The following MACC1 variants were observed in gnomAD, a reference collection of about 807,000 sequenced individuals.
MACC1 encodes the protein metastasis-associated in colon cancer protein 1.
Under a neutral mutation model 70.7 loss-of-function variants are expected in MACC1, and 79 were observed. The observed-to-expected ratio is 1.12, with a 90% CI of 0.93 to 1.35. MACC1 has a LOEUF of 1.35. MACC1 is among the 40% of genes most tolerant of loss of function. The pLI is 0.00. For missense variants in MACC1, 1,106 were observed against 978.1 expected (o/e 1.13, Z -1.74); for synonymous variants, 361 against 347.2 (o/e 1.04, Z -0.44).
chr7:20,169,326 T>G (rs1216156112), intron 2 of MACC1, among the ~76,000 whole-genome samples: 1 of 152,238 alleles, frequency 6.6e-6, no homozygotes, highest in Non-Finnish European at 1.5e-5. Context: ...TATGACTTTG[T>G]GTAGTTATGG....
chr7:20,206,683 C>T (rs1161850114), intron 1 of MACC1, among the ~76,000 whole-genome samples: 5 of 152,196 alleles, frequency 3.3e-5, no homozygotes, highest in Non-Finnish European at 7.4e-5. Flanking sequence ...CATTTGGCCT[C>T]CTGACTCCAA....
At chr7:20,178,065 C>T (rs1394632340) in intron 1 of MACC1, among the ~76,000 whole-genome samples, 2 of 151,968 alleles carry the variant, frequency 1.3e-5, no homozygotes, top group East Asian at 3.8e-4. Context: ...GTTCCCAATT[C>T]CAGGTTTTTA....
chr7:20,161,677 C>T (rs1272405441), intron 4 of MACC1, 71 bp downstream of exon 4: 3 of 896,396 alleles, frequency 3.3e-6, no homozygotes, highest in South Asian at 1.6e-5. Flanking sequence ...AGAGGTAGAC[C>T]TTCAACAATT....
chr7:20,170,759 A>C lies in MACC1; in HGVS notation c.-198T>G, dbSNP rs1400178431. ...TCAAACACTGATGTGAATCATTTGC[A>C]TATCATCTGACAAGGCTACCTACTT... On this transcript the variant is annotated 5_prime_UTR_variant, in exon 2 of 7. It removes an upstream start codon present in the reference 5' UTR. Coordinates refer to ENST00000400331, the MANE Select transcript of MACC1 (RefSeq NM_182762.4). 3 of 152,200 alleles carry C rather than the reference A, an allele frequency of 2.0e-5. No individual in the cohort carries two copies. Among genetic ancestry groups the C allele is most frequent in the African/African-American group, 7.2e-5 (3 of 41,456 alleles). 9.4% of individuals were successfully genotyped at this position (152,200 alleles called of 1,614,324 possible). A position where few individuals can be genotyped will look rare whatever the true frequency, so the allele number is the denominator to read the frequency against.
chr7:20,171,456 G>A (rs528990637), intron 1 of MACC1, among the ~76,000 whole-genome samples: 4 of 151,202 alleles, frequency 2.6e-5, no homozygotes, highest in South Asian at 2.1e-4. Flanking sequence ...GAATTTCACC[G>A]TGTTAGCCAG....
chr7:20,154,168 T>C, intron 6 of MACC1, 25 bp downstream of exon 6: 6 of 1,612,214 alleles, frequency 3.7e-6, no homozygotes, highest in Non-Finnish European at 5.1e-6. Flanking sequence ...TTTTCACTAT[T>C]GAATTACACA....
At chr7:20,206,225 C>G (rs928416624) in intron 1 of MACC1, among the ~76,000 whole-genome samples, 3 of 151,880 alleles carry the variant, frequency 2.0e-5, no homozygotes, top group Admixed American at 2.0e-4. Context: ...TCTTCCTTCC[C>G]TAAGTCATTC....
At chr7:20,167,991 A>C (rs1782245621) in intron 2 of MACC1, among the ~76,000 whole-genome samples, 1 of 152,208 alleles carries the variant, frequency 6.6e-6, no homozygotes, top group South Asian at 2.1e-4. Context: ...AAATGACTAA[A>C]ATTACAAGGG....
chr7:20,160,911 A>G (rs1373559279), intron 4 of MACC1, among the ~76,000 whole-genome samples: 2 of 152,100 alleles, frequency 1.3e-5, no homozygotes, highest in South Asian at 2.1e-4. Context: ...TTAGACCACC[A>G]TTGGTTTTAT....
At chr7:20,160,576 G>C (rs544192181) in intron 4 of MACC1, among the ~76,000 whole-genome samples, 95 of 152,096 alleles carry the variant, frequency 6.2e-4, no homozygotes, top group African/African-American at 2.3e-3. Context: ...ACTAGCATGT[G>C]CTTATGCTTT....
chr7:20,194,037 G>T (rs1782712423), intron 1 of MACC1, among the ~76,000 whole-genome samples: 3 of 152,156 alleles, frequency 2.0e-5, no homozygotes, highest in African/African-American at 7.2e-5. Flanking sequence ...CTGATCTGCG[G>T]TGACTCCTCA....
At position 20,162,010 on chromosome 7, in the gene MACC1, G is replaced by T. The variant is rs190606416; in HGVS notation, c.-8-140C>A. ...TATATAAATCTTCTACTCCTGGTAG[G>T]ATACTCGACTAGATATACTAAAATA... On this transcript the variant is annotated intron_variant, in intron 3 of 6. Transcript: ENST00000400331. 7.3e-6 allele frequency: 4 copies of T among 551,050 alleles called. No individual in the cohort carries two copies. The Admixed American group carries it at 1.2e-4, about 17-fold the overall frequency. The allele number at this position is 551,050 out of a possible 1,614,324, so 34.1% of individuals were successfully genotyped here.
rs1781729003 is a variant in MACC1 at position 20,137,099 on chromosome 7, C to T, written c.*3847G>A. On this transcript the variant is annotated 3_prime_UTR_variant, in exon 7 of 7. Coordinates refer to ENST00000400331, the MANE Select transcript of MACC1 (RefSeq NM_182762.4). ...ATTCTCTTTTTCTTTTATATTACCT[C>T]AAAAATTCCTTAGATATAAACAATT... is the stretch of plus-strand genomic sequence containing the variant. 6.6e-6 allele frequency: 1 copy of T among 151,840 alleles called. No homozygotes were observed. Among genetic ancestry groups the T allele is most frequent in the African/African-American group, 2.4e-5 (1 of 41,360 alleles). The allele number at this position is 151,840 out of a possible 1,614,324, so 9.4% of individuals were successfully genotyped here.
rs118081088 is a variant in MACC1, at chr7:20,192,235, G to A, written c.-217-21457C>T. On this transcript the variant is annotated intron_variant, in intron 1 of 6. Coordinates refer to ENST00000400331, the MANE Select transcript of MACC1 (RefSeq NM_182762.4). ...TCCAATATAGGGTATTATTGAGCAG[G>A]TAAACAATTAAGGAAAAAGAAGAAA... 7.2e-3 allele frequency among the ~76,000 whole-genome samples: 1,096 copies of A among 152,074 alleles called. 27 individuals carry two copies. The highest frequency in any genetic ancestry group is 0.038 in the Admixed American group (581 of 15,278).
At chr7:20,197,076 C>T (rs1332638990) in intron 1 of MACC1, among the ~76,000 whole-genome samples, 1 of 152,132 alleles carries the variant, frequency 6.6e-6, no homozygotes, top group Non-Finnish European at 1.5e-5. Context: ...ACTCAAATTC[C>T]CTGATTTCTA....
Position 20,159,908 on chromosome 7 carries a change from T to C in MACC1, c.453A>G (p.Ala151=), listed in dbSNP as rs1195399298. 1.2e-6 allele frequency: 2 copies of C among 1,614,152 alleles called. No individual in the cohort carries two copies. The highest frequency in any genetic ancestry group is 1.7e-5 in the Admixed American group (1 of 59,990). ...SELLDILDDT[A]HAHQSIHNSD... ...AGTTATGTATACTCTGATGGGCATG[T>C]GCTGTGTCGTCTAAAATGTCCAGAA... The change falls in exon 5 of 7, where the codon GCA becomes GCG. Residue 151 remains alanine, a synonymous_variant. Coordinates refer to ENST00000400331, the MANE Select transcript of MACC1 (RefSeq NM_182762.4).
At chr7:20,174,209 CAAAG>C (rs879724047) in intron 1 of MACC1, among the ~76,000 whole-genome samples, 1 of 152,038 alleles carries the variant, frequency 6.6e-6, no homozygotes, top group Admixed American at 6.6e-5. Flanking sequence ...TGTATAAAGA[CAAAG>C]AGACAGAATT....
intron 1 of MACC1, among the ~76,000 whole-genome samples, chr7:20,196,285 A>G (rs1485850128): frequency 6.6e-6 from 1 of 151,974 alleles, no homozygotes; most frequent in Non-Finnish European, 1.5e-5. Context: ...GGTTCACGCC[A>G]TTCTCCTGCC....
chr7:20,180,901 T>G (rs1004433390), intron 1 of MACC1, among the ~76,000 whole-genome samples: 1 of 151,904 alleles, frequency 6.6e-6, no homozygotes, highest in East Asian at 1.9e-4. Context: ...AGAAGGCAAA[T>G]ATAAATTGGC....
Sources: allele counts gnomAD v4.1 joint callset (sites outside exome capture counted in the v4.1 genomes callset), GRCh38; gene constraint gnomAD v4.1.1; transcripts MANE v1.5; gene names NCBI Gene and HGNC (gene_info 2026-07-23, HGNC 2026-07-21).